The following EVC2 variants were observed in gnomAD, a reference collection of about 807,000 sequenced individuals.
EVC2 encodes the protein limbin.
A neutral mutation model predicts 149.3 loss-of-function variants in EVC2; 148 were observed. The observed-to-expected ratio is 0.99, with a 90% CI of 0.87 to 1.14. The LOEUF (loss-of-function observed/expected upper bound fraction) is 1.14. Among genes scored for constraint, EVC2 ranks in the 50% most tolerant of loss-of-function variants. EVC2 has a pLI of 0.00. For missense variants in EVC2, 1,854 were observed against 1,627.3 expected (o/e 1.14, Z -2.40); for synonymous variants, 776 against 649.9 (o/e 1.19, Z -2.95).
chr4:5,628,452 C>T (rs1716281291), intron 12 of EVC2, 107 bp downstream of exon 12: 1 of 1,425,992 alleles, frequency 7.0e-7, no homozygotes, highest in African/African-American at 1.4e-5. Context: ...AACTATGAAC[C>T]AAATATATCT....
intron 10 of EVC2, among the ~76,000 whole-genome samples, chr4:5,639,936 C>T (rs1319641892): frequency 1.3e-5 from 2 of 152,146 alleles, no homozygotes; most frequent in Non-Finnish European, 2.9e-5. Context: ...GTTCCCTATA[C>T]CTTCACTGCC....
intron 1 of EVC2, among the ~76,000 whole-genome samples, chr4:5,701,025 G>A (rs1017155102): frequency 8.5e-5 from 13 of 152,254 alleles, no homozygotes; most frequent in Admixed American, 2.6e-4. Context: ...TAAAGTCAAA[G>A]TATTGGCAGG....
intron 20 of EVC2, 57 bp downstream of exon 20, chr4:5,568,387 T>G: frequency 6.6e-7 from 1 of 1,518,060 alleles, no homozygotes; most frequent in Non-Finnish European, 8.8e-7. Context: ...TGAGGACTCA[T>G]GGGGACCCTT....
rs1039950341 is a variant in EVC2, at chr4:5,708,545, G to A, written c.-32C>T. ...TCGGGACCCGCTACCTCAAAGCGGC[G>A]GGTGCCGCCGAGTCGCTGGAGCTTC... On this transcript the variant is annotated 5_prime_UTR_variant, in exon 1 of 22. Transcript: ENST00000344408. 3.6e-6 allele frequency: 5 copies of A among 1,382,278 alleles called. No individual in the cohort carries two copies. In the African/African-American group the frequency reaches 6.1e-5, roughly 17 times the overall value. The allele number at this position is 1,382,278 out of a possible 1,614,324, so 85.6% of individuals were successfully genotyped here. A position where few individuals can be genotyped will look rare whatever the true frequency, so the allele number is the denominator to read the frequency against.
downstream of EVC2, among the ~76,000 whole-genome samples, chr4:5,559,903 T>C (rs1208716897): frequency 2.0e-5 from 3 of 152,070 alleles, no homozygotes; most frequent in African/African-American, 4.8e-5. The surrounding 1 kb of genome is among the most constrained non-coding windows in gnomAD (Gnocchi z 5.0). Flanking sequence ...CTTAAATGTG[T>C]GCTGCTCATA....
In EVC2 at chr4:5,670,399, A is replaced by T. The variant is rs1719565858; in HGVS notation, c.871-4750T>A. On this transcript the variant is annotated intron_variant, in intron 7 of 21. Transcript: ENST00000344408. The surrounding 1 kb of genome is among the most constrained non-coding windows in gnomAD (Gnocchi z 5.2). Reference sequence around the variant, plus strand: ...CATTATCAACATCATCAATATCTCCATCATTTTCATCTTTACCATCACCAT... The same window carrying T: ...CATTATCAACATCATCAATATCTCCTTCATTTTCATCTTTACCATCACCAT... 6.6e-6 allele frequency among the ~76,000 whole-genome samples: 1 copy of T among 152,000 alleles called. No homozygotes were observed. The highest frequency in any genetic ancestry group is 1.5e-5 in the Non-Finnish European group (1 of 68,000).
Position 5,685,423 on chromosome 4 carries a change from T to C in EVC2, c.763A>G (p.Asn255Asp). ...GCAGGAAGCTTGAGGCTCTCCCCGT[T>C]CCCGAGGTCTCCAGCCTGGAGCGTG... ...AATLQAGDLG[N>D]GESLKLPAQL... Residue 255 changes from asparagine (N) to aspartate (D), a missense_variant, in exon 6 of 22, where the codon AAC becomes GAC. Asn to Asp is a conservative substitution (Grantham distance 23, BLOSUM62 1). Transcript: ENST00000344408. 6.2e-7 allele frequency: 1 copy of C among 1,614,196 alleles called. No individual in the cohort carries two copies. The highest frequency in any genetic ancestry group is 8.5e-7 in the Non-Finnish European group (1 of 1,180,032).
intron 5 of EVC2, among the ~76,000 whole-genome samples, chr4:5,687,034 A>T (rs1231385892): frequency 6.6e-6 from 1 of 152,186 alleles, no homozygotes; most frequent in Non-Finnish European, 1.5e-5. Context: ...AGGCAGGTGG[A>T]TCACCTGAGG....
chr4:5,645,196 C>G (rs1430076305), intron 9 of EVC2, among the ~76,000 whole-genome samples: 1 of 151,888 alleles, frequency 6.6e-6, no homozygotes, highest in Non-Finnish European at 1.5e-5. Flanking sequence ...CCAACATGAT[C>G]CCTGCATTAT....
chr4:5,669,554 C>T (rs561400151), intron 7 of EVC2, among the ~76,000 whole-genome samples: 7 of 152,292 alleles, frequency 4.6e-5, no homozygotes, highest in Admixed American at 1.3e-4. Flanking sequence ...ACTGACATTA[C>T]ATATGGGCAG....
chr4:5,640,569 C>T lies in EVC2; in HGVS notation c.1415G>A (p.Arg472Lys), dbSNP rs761060101. 2 of 1,614,170 alleles carry T rather than the reference C, an allele frequency of 1.2e-6. No homozygotes were observed. Among genetic ancestry groups the T allele is most frequent in the Non-Finnish European group, 1.7e-6 (2 of 1,180,026 alleles). ...TGCTTCCTCCATTGCCATCATCTCT[C>T]TCTGGTACTGGTTTTCCATCTTCTT... ...TRKKMENQYQREMMAMEEAEE... is the reference protein window; with the variant it reads ...TRKKMENQYQKEMMAMEEAEE... The change falls in exon 10 of 22, where the codon AGA becomes AAA. Residue 472 changes from arginine (R) to lysine (K), a missense_variant. Transcript: ENST00000344408. The surrounding 1 kb of genome is among the most constrained non-coding windows in gnomAD (Gnocchi z 4.6).
chr4:5,533,380 G>A, the EVC2 span, among the ~76,000 whole-genome samples: 2 of 152,206 alleles, frequency 1.3e-5, no homozygotes, highest in Non-Finnish European at 2.9e-5. Context: ...GGAACAGCAA[G>A]GGCAGAAGTG....
At chr4:5,587,322 T>C (rs1239497038) in intron 16 of EVC2, among the ~76,000 whole-genome samples, 2 of 152,214 alleles carry the variant, frequency 1.3e-5, no homozygotes, top group African/African-American at 4.8e-5. Flanking sequence ...TTCTATGATT[T>C]TCCTTATTCC....
chr4:5,693,393 A>C (rs1721258061), intron 3 of EVC2, among the ~76,000 whole-genome samples: 2 of 152,252 alleles, frequency 1.3e-5, no homozygotes, highest in Non-Finnish European at 1.5e-5. Flanking sequence ...ACATCCAATG[A>C]CAAGTGTCCT....
chr4:5,653,899 G>A (rs1221628602), intron 9 of EVC2, among the ~76,000 whole-genome samples: 1 of 152,220 alleles, frequency 6.6e-6, no homozygotes, highest in African/African-American at 2.4e-5. Context: ...ATCTGGAGCT[G>A]CAATGGGAAC....
At chr4:5,664,013 T>C (rs913291526) in intron 8 of EVC2, among the ~76,000 whole-genome samples, 1 of 152,202 alleles carries the variant, frequency 6.6e-6, no homozygotes, top group Non-Finnish European at 1.5e-5. Context: ...GGATAAGAGA[T>C]ATCTGTGTTG....
chr4:5,535,345 A>G, the EVC2 span, among the ~76,000 whole-genome samples: 1 of 152,060 alleles, frequency 6.6e-6, no homozygotes, highest in Non-Finnish European at 1.5e-5. This position sits in a 1 kb window ranked among gnomAD's most constrained non-coding sequence, Gnocchi z 4.7. Context: ...TCTCTTCCAA[A>G]TCAAGGTTTT....
chr4:5,573,994 G>C (rs938729798), intron 19 of EVC2, among the ~76,000 whole-genome samples: 1 of 152,222 alleles, frequency 6.6e-6, no homozygotes, highest in Admixed American at 6.5e-5. Context: ...ATTGCAGCTG[G>C]AACTGTGAGA....
At chr4:5,647,890 G>T (rs756008915) in intron 9 of EVC2, among the ~76,000 whole-genome samples, 3 of 152,220 alleles carry the variant, frequency 2.0e-5, no homozygotes, top group African/African-American at 7.2e-5. Context: ...GCCCTGTGGC[G>T]AAGGAAGCCG....
Sources: gnomAD v4.1 joint callset for allele counts (sites outside exome capture counted in the v4.1 genomes callset) on GRCh38, gnomAD v4.1.1 for gene constraint, Gnocchi (gnomAD v3.1) non-coding constraint, MANE v1.5 for transcripts, NCBI Gene and HGNC (gene_info 2026-07-23, HGNC 2026-07-21) for gene names.